ARHGEF3: variants seen among roughly 807,000 people sequenced by gnomAD.
ARHGEF3 encodes Rho guanine nucleotide exchange factor 3, also known as 59.8 kDA protein.
A neutral mutation model predicts 63.2 loss-of-function variants in ARHGEF3; 28 were observed. The observed-to-expected ratio is 0.44, with a 90% CI of 0.33 to 0.61. The LOEUF (loss-of-function observed/expected upper bound fraction) is 0.61. Ranked by LOEUF, ARHGEF3 falls within the 20% of genes least tolerant of loss-of-function variation. ARHGEF3 has a pLI of 0.03. For synonymous variants in ARHGEF3, 266 were observed against 254.2 expected, an observed-to-expected ratio of 1.05 and a Z score of -0.44; for missense variants, 533 against 659.3, an observed-to-expected ratio of 0.81 and a Z score of 2.10.
chr3:56,967,066 T>C (rs1441190294), intron 2 of ARHGEF3, among the ~76,000 whole-genome samples: 14 of 149,036 alleles, frequency 9.4e-5, no homozygotes, highest in Non-Finnish European at 1.9e-4. Flanking sequence ...TTTCTCCATG[T>C]TGGTCAGGTT....
intron 2 of ARHGEF3, among the ~76,000 whole-genome samples, chr3:56,999,573 A>C (rs1234950420): frequency 6.6e-6 from 1 of 152,224 alleles, no homozygotes; most frequent in African/African-American, 2.4e-5. Flanking sequence ...TGGGAGGCCA[A>C]GGCAGGAGGA....
intron 1 of ARHGEF3, among the ~76,000 whole-genome samples, chr3:57,044,420 A>G (rs1180515727): frequency 1.3e-5 from 2 of 152,218 alleles, no homozygotes; most frequent in Non-Finnish European, 2.9e-5. Flanking sequence ...CCTCAAAGGA[A>G]GATGCATGCT....
intron 3 of ARHGEF3, among the ~76,000 whole-genome samples, chr3:56,883,990 T>C (rs1262476583): frequency 6.6e-6 from 1 of 152,218 alleles, no homozygotes; most frequent in Non-Finnish European, 1.5e-5. Context: ...TACTATGTGC[T>C]GGGCCCTGTG....
chr3:56,978,340 G>A (rs1048820943), intron 2 of ARHGEF3, among the ~76,000 whole-genome samples: 4 of 152,244 alleles, frequency 2.6e-5, no homozygotes, highest in African/African-American at 7.2e-5. Flanking sequence ...GGATTGATCC[G>A]GGGAACTTGC....
intron 8 of ARHGEF3, among the ~76,000 whole-genome samples, chr3:56,735,803 C>CCA (rs2033579422): frequency 1.3e-5 from 2 of 152,192 alleles, no homozygotes; most frequent in Admixed American, 1.3e-4. Context: ...TCCCACTGTA[C>CCA]CATCCACTGG....
intron 1 of ARHGEF3, among the ~76,000 whole-genome samples, chr3:57,051,076 T>C (rs543229127): frequency 1.3e-5 from 2 of 152,214 alleles, no homozygotes; most frequent in South Asian, 4.2e-4. Context: ...GGATGCTATA[T>C]CAAACCCCAG....
chr3:56,743,506 C>T (rs572809201), intron 7 of ARHGEF3, among the ~76,000 whole-genome samples: 22 of 152,174 alleles, frequency 1.4e-4, no homozygotes, highest in Non-Finnish European at 2.9e-4. Context: ...CCCCTCTAAG[C>T]CTCATCTGGA....
chr3:56,840,121 A>ATAACT (rs1259661238), intron 4 of ARHGEF3, among the ~76,000 whole-genome samples: 1 of 152,154 alleles, frequency 6.6e-6, no homozygotes, highest in African/African-American at 2.4e-5. Context: ...TTTGAGACAA[A>ATAACT]TAACTTGCTT....
intron 2 of ARHGEF3, among the ~76,000 whole-genome samples, chr3:56,765,997 G>GA (rs969357325): frequency 8.0e-4 from 117 of 145,718 alleles, no homozygotes; most frequent in African/African-American, 2.2e-3. Context: ...AGAGACAACA[G>GA]AAAAAAAAAA....
At chr3:57,076,924 G>A (rs1430843312) in intron 1 of ARHGEF3, 3 of 152,168 alleles carry the variant, frequency 2.0e-5, no homozygotes, top group Admixed American at 6.5e-5. Context: ...AGATCATCCC[G>A]GGCAAGCTCT....
At chr3:57,034,886 T>C (rs949928371) in intron 2 of ARHGEF3, among the ~76,000 whole-genome samples, 1 of 152,004 alleles carries the variant, frequency 6.6e-6, no homozygotes, top group Admixed American at 6.6e-5. Context: ...CTCGAACTCC[T>C]GGACTCAAGT....
chr3:57,059,314 G>A (rs914565721), intron 1 of ARHGEF3, among the ~76,000 whole-genome samples: 2 of 151,784 alleles, frequency 1.3e-5, no homozygotes, highest in African/African-American at 4.8e-5. Flanking sequence ...GCTTCTCTGG[G>A]ACACACTGGA....
chr3:56,941,433 C>T (rs1239440211), intron 3 of ARHGEF3, among the ~76,000 whole-genome samples: 1 of 152,208 alleles, frequency 6.6e-6, no homozygotes, highest in Non-Finnish European at 1.5e-5. Context: ...GTCTCAAACT[C>T]CTGATCTCAA....
intron 2 of ARHGEF3, among the ~76,000 whole-genome samples, chr3:57,023,159 A>T (rs11130561): frequency 0.27 from 40,591 of 152,054 alleles, 5,713 homozygotes; most frequent in Middle Eastern, 0.33. Flanking sequence ...AGGGACCACC[A>T]CATCCGCTTC....
chr3:57,058,585 C>T (rs1705043601), intron 1 of ARHGEF3, among the ~76,000 whole-genome samples: 1 of 152,092 alleles, frequency 6.6e-6, no homozygotes, highest in Non-Finnish European at 1.5e-5. Flanking sequence ...GTCGGTGTAG[C>T]GATTCCTCAG....
At chr3:56,824,011 C>T (rs549420482) in intron 4 of ARHGEF3, among the ~76,000 whole-genome samples, 46 of 146,454 alleles carry the variant, frequency 3.1e-4, no homozygotes, top group Non-Finnish European at 6.4e-4. Context: ...AAAAACAGAA[C>T]GAGCCAGATG....
chr3:56,956,760 A>C (rs1466925434), intron 3 of ARHGEF3, among the ~76,000 whole-genome samples: 1 of 152,192 alleles, frequency 6.6e-6, no homozygotes, highest in African/African-American at 2.4e-5. Context: ...GCAATACTGA[A>C]GGGAGGATGG....
intron 2 of ARHGEF3, among the ~76,000 whole-genome samples, chr3:56,976,806 G>A (rs910578628): frequency 2.0e-5 from 3 of 152,090 alleles, no homozygotes; most frequent in African/African-American, 4.8e-5. Flanking sequence ...GTGGAACTGC[G>A]TCAGGCTTGT....
At chr3:57,071,110 T>C (rs1283084355) in intron 1 of ARHGEF3, among the ~76,000 whole-genome samples, 1 of 152,028 alleles carries the variant, frequency 6.6e-6, no homozygotes. Context: ...GGCATAAGGA[T>C]AGACATATAG....
Sources: gnomAD v4.1 joint callset for allele counts (sites outside exome capture counted in the v4.1 genomes callset) on GRCh38, gnomAD v4.1.1 for gene constraint, MANE v1.5 for transcripts, NCBI Gene and HGNC (gene_info 2026-07-23, HGNC 2026-07-21) for gene names.